The following ZNF484 variants were observed in gnomAD, a reference collection of about 807,000 sequenced individuals.
ZNF484 encodes the protein KRAB box containing C2H2 type zinc finger bA526D8.4.
In ZNF484, 11 loss-of-function variants were observed where a neutral mutation model predicts 12.9. The observed-to-expected ratio is 0.85, with a 90% confidence interval of 0.54 to 1.41. The LOEUF (loss-of-function observed/expected upper bound fraction) is 1.41. Among genes scored for constraint, ZNF484 ranks in the 40% most tolerant of loss-of-function variants. The probability of loss-of-function intolerance (pLI) is 0.00; values close to 1 mark genes in which losing one functional copy is unlikely to be tolerated. For missense variants in ZNF484, 807 were observed against 1,007.7 expected (o/e 0.80, Z 2.70); for synonymous variants, 289 against 334.1 (o/e 0.86, Z 1.47).
chr9:92,846,355 T>G lies in ZNF484; in HGVS notation c.2432A>C (p.Lys811Thr). Residue 811 changes from lysine (K) to threonine (T), a missense_variant, in exon 5 of 5, where the codon AAA becomes ACA. Transcript: ENST00000375495. ...QKPYKCSDLG[K>T]ALNWKPQLSM... is the part of the protein sequence containing the mutation. ...GAGTTGTGGCTTCCAGTTTAAGGCTTTCCCCAAGTCACTGCACTTATAGGG... is the reference window on the plus strand; with the variant it reads ...GAGTTGTGGCTTCCAGTTTAAGGCTGTCCCCAAGTCACTGCACTTATAGGG... 6.2e-7 allele frequency: 1 copy of G among 1,614,180 alleles called. No homozygotes were observed. The highest frequency in any genetic ancestry group is 8.5e-7 in the Non-Finnish European group (1 of 1,180,004).
rs748548511 is a variant in ZNF484, at chr9:92,856,335, A to C, written c.16-17T>G. 2.0e-6 allele frequency: 3 copies of C among 1,513,896 alleles called. No individual in the cohort carries two copies. The highest frequency in any genetic ancestry group is 2.3e-5 in the East Asian group (1 of 42,852). The allele number at this position is 1,513,896 out of a possible 1,614,324, so 93.8% of individuals were successfully genotyped here. A position where few individuals can be genotyped will look rare whatever the true frequency, so the allele number is the denominator to read the frequency against. On this transcript the variant is annotated splice_polypyrimidine_tract_variant and intron_variant, in intron 2 of 4. Transcript: ENST00000375495. ...CACTGATTCCTGTTAAAAAAAAAAA[A>C]CAAACTTTAAAATAATTTTTTAAAG...
At chr9:92,875,571 C>T (rs552055132) in intron 1 of ZNF484, among the ~76,000 whole-genome samples, 1 of 152,316 alleles carries the variant, frequency 6.6e-6, no homozygotes, top group South Asian at 2.1e-4. Flanking sequence ...TTCAATTCCT[C>T]TACCCTAATG....
intron 2 of ZNF484, among the ~76,000 whole-genome samples, chr9:92,865,292 A>AAAC (rs1029474579): frequency 6.6e-6 from 1 of 152,140 alleles, no homozygotes; most frequent in Non-Finnish European, 1.5e-5. Flanking sequence ...ATCAAAACAA[A>AAAC]AACAACAACA....
Position 92,845,396 on chromosome 9 carries a change from A to G in ZNF484, c.*832T>C, listed in dbSNP as rs1163099334. Reference sequence around the variant, plus strand: ...GGAGAAGTCTTCCAAATGTTCAACTACATTTTATCTTCTAAGGACACAAAC... The same window carrying G: ...GGAGAAGTCTTCCAAATGTTCAACTGCATTTTATCTTCTAAGGACACAAAC... On this transcript the variant is annotated 3_prime_UTR_variant, in exon 5 of 5. Transcript: ENST00000375495. This position sits in a 1 kb window ranked among gnomAD's most constrained non-coding sequence, Gnocchi z 4.0. 1 of 152,226 alleles carries G rather than the reference A, an allele frequency of 6.6e-6. No individual in the cohort carries two copies. Among genetic ancestry groups the G allele is most frequent in the Non-Finnish European group, 1.5e-5 (1 of 68,038 alleles). 9.4% of individuals were successfully genotyped at this position (152,226 alleles called of 1,614,324 possible). A position where few individuals can be genotyped will look rare whatever the true frequency, so the allele number is the denominator to read the frequency against.
At chr9:92,875,906 A>T (rs1354906640) in intron 1 of ZNF484, among the ~76,000 whole-genome samples, 1 of 152,252 alleles carries the variant, frequency 6.6e-6, no homozygotes, top group African/African-American at 2.4e-5. Flanking sequence ...TGAAGGAAAT[A>T]AGAAAACTCT....
At chr9:92,870,753 A>T (rs1241887202) in intron 2 of ZNF484, among the ~76,000 whole-genome samples, 1 of 152,246 alleles carries the variant, frequency 6.6e-6, no homozygotes, top group Non-Finnish European at 1.5e-5. Flanking sequence ...CAGAGAAGAC[A>T]GCATGAAGAG....
chr9:92,855,759 T>C, intron 4 of ZNF484, 52 bp downstream of exon 4: 1 of 1,561,302 alleles, frequency 6.4e-7, no homozygotes. Context: ...CTTCTCCCAG[T>C]ACAAATGCAG....
chr9:92,846,338 G>A lies in ZNF484; in HGVS notation c.2449C>T (p.Pro817Ser). The change falls in exon 5 of 5, where the codon CCA (proline) becomes TCA (serine). Residue 817 changes from proline (P) to serine (S), a missense_variant. Pro to Ser is a moderately conservative substitution (Grantham distance 74). Transcript: ENST00000375495. ...SDLGKALNWK[P>S]QLSMPQKSDN... ...GATTTCTGAGGCATACTGAGTTGTG[G>A]CTTCCAGTTTAAGGCTTTCCCCAAG... 2 of 1,614,128 alleles carry A rather than the reference G, an allele frequency of 1.2e-6. No homozygotes were observed. Among genetic ancestry groups the A allele is most frequent in the African/African-American group, 2.7e-5 (2 of 75,038 alleles).
At chr9:92,858,200 A>G (rs1856577169) in intron 2 of ZNF484, among the ~76,000 whole-genome samples, 1 of 152,222 alleles carries the variant, frequency 6.6e-6, no homozygotes, top group South Asian at 2.1e-4. Context: ...TGGTTCTTAT[A>G]ATAAAGAATC....
At chr9:92,876,845 G>C (rs1012716965) in intron 1 of ZNF484, among the ~76,000 whole-genome samples, 1 of 152,056 alleles carries the variant, frequency 6.6e-6, no homozygotes, top group Non-Finnish European at 1.5e-5. Flanking sequence ...TCAAAATTAG[G>C]AAAGATAAAG....
intron 2 of ZNF484, among the ~76,000 whole-genome samples, chr9:92,858,196 TTATAA>T (rs762253454): frequency 1.3e-5 from 2 of 152,204 alleles, no homozygotes; most frequent in African/African-American, 4.8e-5. Flanking sequence ...GAGTTGGTTC[TTATAA>T]TAAAGAATCA....
chr9:92,869,134 G>A (rs1202330278), intron 2 of ZNF484, among the ~76,000 whole-genome samples: 1 of 151,720 alleles, frequency 6.6e-6, no homozygotes, highest in African/African-American at 2.4e-5. Flanking sequence ...TATAGTGCCT[G>A]GTATATAGTA....
Position 92,846,965 on chromosome 9 carries a change from A to G in ZNF484, c.1822T>C (p.Tyr608His). ...GATTTCCCACAAATACTGCATTCATAGGGTTTCTCTCCAGTATGAATTCTC... is the reference window on the plus strand; with the variant it reads ...GATTTCCCACAAATACTGCATTCATGGGGTTTCTCTCCAGTATGAATTCTC... ...HERIHTGEKP[Y>H]ECSICGKSFT... The change falls in exon 5 of 5, where the codon TAT becomes CAT. Residue 608 changes from tyrosine to histidine, a missense_variant. Physicochemically the swap from Tyr to His is moderately conservative, Grantham distance 83 (BLOSUM62 2). Transcript: ENST00000375495. 6.2e-7 allele frequency: 1 copy of G among 1,614,120 alleles called. No homozygotes were observed. Among genetic ancestry groups the G allele is most frequent in the Admixed American group, 1.7e-5 (1 of 60,020 alleles).
intron 4 of ZNF484, among the ~76,000 whole-genome samples, chr9:92,854,233 G>A (rs961247905): frequency 2.6e-5 from 4 of 152,168 alleles, no homozygotes; most frequent in African/African-American, 9.7e-5. Context: ...AAACCCATCA[G>A]ATTAGCCAAA....
rs1199151969 is a variant in ZNF484, at chr9:92,848,514, C to T, written c.273G>A (p.Met91Ile). Residue 91 changes from methionine (M) to isoleucine (I), a missense_variant, in exon 5 of 5, where the codon ATG becomes ATA. Coordinates refer to ENST00000375495, the MANE Select transcript of ZNF484 (RefSeq NM_031486.4). This position sits in a 1 kb window ranked among gnomAD's most constrained non-coding sequence, Gnocchi z 4.1. ...DIGFGPLQQR[M>I]SEEVSFQSEI... is the part of the protein sequence containing the mutation. ...CAGACTGGAAAGAAACTTCTTCAGA[C>T]ATCCTCTGTTGTAAAGGTCCAAAAC... The T allele has an allele frequency of 2.5e-6, 4 of 1,609,298 alleles. No individual in the cohort carries two copies. Among genetic ancestry groups the T allele is most frequent in the Non-Finnish European group, 3.4e-6 (4 of 1,179,122 alleles).
In ZNF484 at chr9:92,877,894, C is replaced by T; in HGVS notation, c.-35G>A. ...TGCTGCCATCCCTCTACTCACCTGC[C>T]CCTCACCCACGTCCTCTCAGGACAG... On this transcript the variant is annotated 5_prime_UTR_variant, in exon 1 of 5. Coordinates refer to ENST00000375495, the MANE Select transcript of ZNF484 (RefSeq NM_031486.4). 6.5e-7 allele frequency: 1 copy of T among 1,534,894 alleles called. No individual in the cohort carries two copies. The highest frequency in any genetic ancestry group is 1.2e-5 in the South Asian group (1 of 84,032).
chr9:92,851,346 T>TA (rs1385489845), intron 4 of ZNF484, among the ~76,000 whole-genome samples: 2 of 152,198 alleles, frequency 1.3e-5, no homozygotes, highest in East Asian at 3.8e-4. Context: ...GTCAAAAAAT[T>TA]AAAAGAAGAA....
At chr9:92,871,172 A>G (rs1857407096) in intron 2 of ZNF484, among the ~76,000 whole-genome samples, 1 of 152,238 alleles carries the variant, frequency 6.6e-6, no homozygotes. Context: ...AGTCCTCATA[A>G]AAATGTTTTA....
chr9:92,874,310 CTTTTTTTTT>C (rs34348573), intron 2 of ZNF484, among the ~76,000 whole-genome samples: 1 of 137,548 alleles, frequency 7.3e-6, no homozygotes, highest in Non-Finnish European at 1.6e-5. Flanking sequence ...TTCTTTCTTT[CTTTTTTTTT>C]TTTTTTTTTG....
Sources: gnomAD v4.1 joint callset for allele counts (sites outside exome capture counted in the v4.1 genomes callset) on GRCh38, gnomAD v4.1.1 for gene constraint, Gnocchi (gnomAD v3.1) non-coding constraint, MANE v1.5 for transcripts, NCBI Gene and HGNC (gene_info 2026-07-23, HGNC 2026-07-21) for gene names.